Variants in TMEM132E observed in about 807,000 individuals in gnomAD.
TMEM132E encodes the protein transmembrane protein 132E.
TMEM132E carries 49 observed loss-of-function variants against 78.5 expected under a neutral mutation model. The observed-to-expected ratio is 0.62, with a 90% CI of 0.50 to 0.79. TMEM132E has a LOEUF of 0.79. TMEM132E is among the 30% of genes least tolerant of loss of function. The pLI is 0.00. For synonymous variants in TMEM132E, 715 were observed against 670.6 expected (o/e 1.07, Z -1.02); for missense variants, 1,403 against 1,470.9 (o/e 0.95, Z 0.75).
At chr17:34,601,302 T>A (rs1044894299) in intron 1 of TMEM132E, among the ~76,000 whole-genome samples, 1 of 152,078 alleles carries the variant, frequency 6.6e-6, no homozygotes. Context: ...GGTACTACAG[T>A]CAGCCTTTCC....
In TMEM132E at chr17:34,636,766, A is replaced by AG. The variant is rs1907534724; in HGVS notation, c.2170-406dup. On this transcript the variant is annotated intron_variant, in intron 8 of 8. Coordinates refer to ENST00000631683, the MANE Select transcript of TMEM132E (RefSeq NM_001304438.2). ...TTTTAGCCAACAGGCAGAAGTGGGG[A>AG]GGGGGTGTGTATTCTCAACAGCCTG... Among the ~76,000 whole-genome samples the AG allele has an allele frequency of 2.0e-5, 3 of 152,286 alleles. No individual in the cohort carries two copies. In the South Asian group the frequency reaches 6.2e-4, roughly 32 times the overall value.
chr17:34,604,177 C>A (rs930751710), intron 1 of TMEM132E, among the ~76,000 whole-genome samples: 1 of 152,202 alleles, frequency 6.6e-6, no homozygotes, highest in Non-Finnish European at 1.5e-5. Context: ...CAAGGTCACA[C>A]AGCACTGATA....
chr17:34,639,193 C>T lies in TMEM132E; in HGVS notation c.*961C>T, dbSNP rs745920076. ...GGCAAATGCAGAAGGGAGCCAGTGT[C>T]GCCCCTACCCCATCCCACAGCCATT... On this transcript the variant is annotated 3_prime_UTR_variant, in exon 9 of 9. Transcript: ENST00000631683. The T allele has an allele frequency of 1.8e-4, 28 of 152,540 alleles. No homozygotes were observed. Among genetic ancestry groups the T allele is most frequent in the Admixed American group, 1.8e-3 (27 of 15,274 alleles). The allele number at this position is 152,540 out of a possible 1,614,324, so 9.4% of individuals were successfully genotyped here.
At chr17:34,586,627 G>T (rs2142049014) in intron 1 of TMEM132E, among the ~76,000 whole-genome samples, 1 of 152,150 alleles carries the variant, frequency 6.6e-6, no homozygotes, top group African/African-American at 2.4e-5. Flanking sequence ...TGTGTCATTT[G>T]ACCCTTTCAG....
At chr17:34,628,820 T>C (rs773734398) in intron 3 of TMEM132E, 111 bp downstream of exon 3, 38 of 1,418,708 alleles carry the variant, frequency 2.7e-5, no homozygotes, top group African/African-American at 2.0e-4. Flanking sequence ...GGCTCGGTCA[T>C]TGGGGTCTCT....
chr17:34,598,166 TC>T (rs1401699948), intron 1 of TMEM132E, among the ~76,000 whole-genome samples: 1 of 152,104 alleles, frequency 6.6e-6, no homozygotes, highest in African/African-American at 2.4e-5. Context: ...GTCTCATCTG[TC>T]CCACCTTCCC....
At chr17:34,623,075 C>A (rs1355161012) in intron 1 of TMEM132E, among the ~76,000 whole-genome samples, 1 of 152,090 alleles carries the variant, frequency 6.6e-6, no homozygotes, top group Admixed American at 6.5e-5. Context: ...TGCAAAGGCC[C>A]TGGGGTAGAA....
chr17:34,581,723 G>A (rs1468718549), intron 1 of TMEM132E, among the ~76,000 whole-genome samples: 1 of 151,998 alleles, frequency 6.6e-6, no homozygotes, highest in African/African-American at 2.4e-5. Flanking sequence ...CGAGCCCGGA[G>A]GGCGGGGGTC....
chr17:34,581,514 G>T (rs572995323), intron 1 of TMEM132E, among the ~76,000 whole-genome samples: 174 of 152,252 alleles, frequency 1.1e-3, no homozygotes, highest in Non-Finnish European at 1.8e-3. Context: ...GCAGCCGGCC[G>T]GGCTGGGGGC....
intron 1 of TMEM132E, among the ~76,000 whole-genome samples, chr17:34,605,997 A>C (rs1906401516): frequency 6.6e-6 from 1 of 152,218 alleles, no homozygotes; most frequent in Non-Finnish European, 1.5e-5. Context: ...TTCCACCTAC[A>C]ACAAAGCCAT....
chr17:34,603,541 T>C (rs570235075), intron 1 of TMEM132E, among the ~76,000 whole-genome samples: 9 of 152,294 alleles, frequency 5.9e-5, no homozygotes, highest in African/African-American at 1.9e-4. Flanking sequence ...CTGTGTGCCA[T>C]GCCTGCTCCT....
At chr17:34,619,579 A>G (rs1283110856) in intron 1 of TMEM132E, among the ~76,000 whole-genome samples, 1 of 151,854 alleles carries the variant, frequency 6.6e-6, no homozygotes, top group African/African-American at 2.4e-5. Context: ...ACTTGTCACC[A>G]TTAACTATCA....
intron 1 of TMEM132E, among the ~76,000 whole-genome samples, chr17:34,624,921 T>C (rs1375428638): frequency 1.3e-5 from 2 of 152,232 alleles, no homozygotes; most frequent in Non-Finnish European, 2.9e-5. Flanking sequence ...ATCATTGTCC[T>C]GTTTTTACAG....
At chr17:34,620,028 A>G (rs1286730355) in intron 1 of TMEM132E, among the ~76,000 whole-genome samples, 1 of 152,224 alleles carries the variant, frequency 6.6e-6, no homozygotes, top group African/African-American at 2.4e-5. Context: ...ATTAGTTTTA[A>G]TTTGGAGACA....
chr17:34,629,318 G>A, intron 4 of TMEM132E, 114 bp downstream of exon 4: 3 of 1,193,540 alleles, frequency 2.5e-6, no homozygotes, highest in Non-Finnish European at 3.5e-6. Flanking sequence ...GTGTGTATAT[G>A]TGAGACTTCC....
At chr17:34,597,987 T>A (rs11656172) in intron 1 of TMEM132E, among the ~76,000 whole-genome samples, 42,264 of 152,140 alleles carry the variant, frequency 0.28, 6,513 homozygotes, top group Non-Finnish European at 0.35. Context: ...TTGGACTAAA[T>A]CAATGATTTC....
chr17:34,581,680 TC>T (rs1397014795), intron 1 of TMEM132E, among the ~76,000 whole-genome samples: 1 of 151,372 alleles, frequency 6.6e-6, no homozygotes, highest in African/African-American at 2.4e-5. Context: ...ACGCCCGCGG[TC>T]CTGTGAGCTG....
chr17:34,583,450 A>G (rs552512517), intron 1 of TMEM132E, among the ~76,000 whole-genome samples: 3 of 152,252 alleles, frequency 2.0e-5, no homozygotes, highest in African/African-American at 7.2e-5. Context: ...TCCCCCCACA[A>G]TAAAACCCCA....
chr17:34,596,198 G>A (rs1028077610), intron 1 of TMEM132E, among the ~76,000 whole-genome samples: 1 of 152,220 alleles, frequency 6.6e-6, no homozygotes, highest in Non-Finnish European at 1.5e-5. Flanking sequence ...TCAGGTTCTT[G>A]TTCCTTGCAG....
Sources: allele counts gnomAD v4.1 joint callset (sites outside exome capture counted in the v4.1 genomes callset), GRCh38; gene constraint gnomAD v4.1.1; transcripts MANE v1.5; gene names NCBI Gene and HGNC (gene_info 2026-07-23, HGNC 2026-07-21).